Variants in ANKRD6 observed in about 807,000 individuals in gnomAD.
ANKRD6 encodes ankyrin repeat domain 6, also known as ankyrin repeat domain-containing protein 6.
In ANKRD6, 56 loss-of-function variants were observed where a neutral mutation model predicts 82.3. The ratio of observed to expected loss-of-function variants is 0.68; its 90% CI spans 0.55 to 0.85. The LOEUF is 0.85. Ranked by LOEUF, ANKRD6 falls within the 40% of genes least tolerant of loss-of-function variation. ANKRD6 has a pLI of 0.00. For synonymous variants in ANKRD6, 347 were observed against 352.1 expected (o/e 0.99, Z 0.16); for missense variants, 852 against 907.6 (o/e 0.94, Z 0.79).
intron 1 of ANKRD6, among the ~76,000 whole-genome samples, chr6:89,542,584 C>A (rs1784569411): frequency 6.6e-6 from 1 of 152,166 alleles, no homozygotes; most frequent in Non-Finnish European, 1.5e-5. Context: ...GTCCTCGTAC[C>A]TGATTCCACT....
chr6:89,586,239 A>C (rs1793656575), intron 2 of ANKRD6, among the ~76,000 whole-genome samples: 2 of 152,206 alleles, frequency 1.3e-5, no homozygotes, highest in Admixed American at 6.5e-5. Flanking sequence ...AAAGAGAAAA[A>C]CACATGATTA....
chr6:89,476,968 G>A (rs192679459), intron 1 of ANKRD6, among the ~76,000 whole-genome samples: 11 of 151,990 alleles, frequency 7.2e-5, no homozygotes, highest in African/African-American at 2.4e-4. Context: ...TTTTTGAGAC[G>A]GAGTCTCGTT....
chr6:89,469,786 T>C (rs769431093), intron 1 of ANKRD6, among the ~76,000 whole-genome samples: 3 of 152,212 alleles, frequency 2.0e-5, no homozygotes, highest in Admixed American at 6.5e-5. Flanking sequence ...CTCATCCATT[T>C]CTAGGTCCCC....
intron 1 of ANKRD6, among the ~76,000 whole-genome samples, chr6:89,488,864 C>T (rs1001615288): frequency 1.3e-4 from 15 of 111,738 alleles, no homozygotes; most frequent in African/African-American, 3.4e-4. Context: ...CAAAATATAT[C>T]GATCTATTCT....
At chr6:89,519,161 G>A (rs975970792) in intron 1 of ANKRD6, among the ~76,000 whole-genome samples, 2 of 152,094 alleles carry the variant, frequency 1.3e-5, no homozygotes, top group Admixed American at 6.6e-5. Context: ...AATTTTGGAG[G>A]GAGACACAAT....
chr6:89,614,926 C>A (rs367604960), intron 7 of ANKRD6, among the ~76,000 whole-genome samples: 1 of 151,734 alleles, frequency 6.6e-6, no homozygotes. Context: ...CCTTGCACTG[C>A]CACTTACTTA....
intron 1 of ANKRD6, among the ~76,000 whole-genome samples, chr6:89,475,440 TC>T (rs1340053705): frequency 3.9e-5 from 6 of 152,228 alleles, no homozygotes; most frequent in African/African-American, 1.4e-4. Context: ...TTCAATTGAT[TC>T]TGTTTGTTAG....
At chr6:89,577,831 C>T (rs1158912254) in intron 2 of ANKRD6, among the ~76,000 whole-genome samples, 2 of 152,096 alleles carry the variant, frequency 1.3e-5, no homozygotes, top group Non-Finnish European at 2.9e-5. Flanking sequence ...AACAAAACAA[C>T]AAAAATGCTG....
intron 1 of ANKRD6, chr6:89,560,982 G>T (rs1157553194): frequency 6.6e-6 from 1 of 152,228 alleles, no homozygotes; most frequent in Non-Finnish European, 1.5e-5. Context: ...GGAGTGCCCA[G>T]CCCTGACTTG....
At chr6:89,614,384 C>A (rs1207985313) in intron 7 of ANKRD6, among the ~76,000 whole-genome samples, 1 of 152,064 alleles carries the variant, frequency 6.6e-6, no homozygotes, top group East Asian at 1.9e-4. Context: ...GTGGCTCATG[C>A]CTGTAATTCC....
rs192460072 is a variant in ANKRD6 at position 89,506,723 on chromosome 6, A to G, written c.-143-60111A>G. On this transcript the variant is annotated intron_variant, in intron 1 of 15. Coordinates refer to ENST00000339746, the MANE Select transcript of ANKRD6 (RefSeq NM_001242809.2). ...TTTGCTTGCCAGCCAAAAGCTGCCCAGAGAAGGCCTCTGCTTCACTTCCTC... is the reference window on the plus strand; with the variant it reads ...TTTGCTTGCCAGCCAAAAGCTGCCCGGAGAAGGCCTCTGCTTCACTTCCTC... Among the ~76,000 whole-genome samples the G allele has an allele frequency of 3.1e-3, 466 of 152,344 alleles. 1 individual carries two copies. Among genetic ancestry groups the G allele is most frequent in the Non-Finnish European group, 5.6e-3 (379 of 68,034 alleles).
intron 1 of ANKRD6, among the ~76,000 whole-genome samples, chr6:89,441,363 G>A (rs1306915305): frequency 6.6e-6 from 1 of 152,166 alleles, no homozygotes; most frequent in Non-Finnish European, 1.5e-5. Context: ...ATGTTGGCCA[G>A]GCTCATCTGG....
intron 1 of ANKRD6, among the ~76,000 whole-genome samples, chr6:89,524,653 A>G (rs184117292): frequency 3.3e-4 from 50 of 152,252 alleles, no homozygotes; most frequent in Non-Finnish European, 6.2e-4. Context: ...GGCTGGTTTC[A>G]TATTTTTGCA....
intron 1 of ANKRD6, among the ~76,000 whole-genome samples, chr6:89,447,459 G>GA (rs1582637272): frequency 6.6e-6 from 1 of 152,150 alleles, no homozygotes; most frequent in African/African-American, 2.4e-5. Context: ...GGAAGCTGCA[G>GA]AAAAAAAGTC....
chr6:89,585,680 G>A (rs943970071), intron 2 of ANKRD6, among the ~76,000 whole-genome samples: 1 of 152,324 alleles, frequency 6.6e-6, no homozygotes, highest in African/African-American at 2.4e-5. Context: ...AGGCCAAGGC[G>A]GGTGGATCAC....
chr6:89,500,279 C>A, intron 1 of ANKRD6, among the ~76,000 whole-genome samples: 1 of 152,028 alleles, frequency 6.6e-6, no homozygotes, highest in East Asian at 1.9e-4. Flanking sequence ...TCCTTTTTTT[C>A]TTCCCCTTTA....
chr6:89,618,228 C>G, intron 9 of ANKRD6, 197 bp downstream of exon 9: 1 of 707,444 alleles, frequency 1.4e-6, no homozygotes. Flanking sequence ...GTGTTCATGC[C>G]TGGGCCGCCT....
intron 1 of ANKRD6, among the ~76,000 whole-genome samples, chr6:89,530,428 C>T (rs751707215): frequency 7.9e-5 from 12 of 151,706 alleles, no homozygotes; most frequent in Non-Finnish European, 1.3e-4. Flanking sequence ...CAGAGTGAAG[C>T]GCCGTAAAAT....
intron 4 of ANKRD6, 88 bp from the exon 5 acceptor site, chr6:89,605,918 TC>T: frequency 1.1e-6 from 1 of 871,464 alleles, no homozygotes; most frequent in East Asian, 2.9e-5. Context: ...CGTCTGGTGT[TC>T]CGTAAAAATC....
Sources: gnomAD v4.1 joint callset for allele counts (sites outside exome capture counted in the v4.1 genomes callset) on GRCh38, gnomAD v4.1.1 for gene constraint, MANE v1.5 for transcripts, NCBI Gene and HGNC (gene_info 2026-07-23, HGNC 2026-07-21) for gene names.